The following LONRF1 variants were observed in gnomAD, a reference collection of about 807,000 sequenced individuals.
LONRF1 encodes LON peptidase N-terminal domain and RING finger protein 1.
LONRF1 carries 37 observed loss-of-function variants against 85.8 expected under a neutral mutation model. That is an observed-to-expected ratio of 0.43 (90% CI 0.33 to 0.57). The LOEUF (loss-of-function observed/expected upper bound fraction) is 0.57. Ranked by LOEUF, LONRF1 falls within the 20% of genes least tolerant of loss-of-function variation. LONRF1 has a pLI of 0.04. For synonymous variants in LONRF1, 517 were observed against 390.1 expected (o/e 1.33, Z -3.83); for missense variants, 1,036 against 978.0 (o/e 1.06, Z -0.79).
chr8:12,735,031 A>G (rs1798665900), intron 7 of LONRF1, among the ~76,000 whole-genome samples: 1 of 151,738 alleles, frequency 6.6e-6, no homozygotes, highest in Non-Finnish European at 1.5e-5. Context: ...AACTAACCAT[A>G]CCCACTTTTG....
chr8:12,744,792 A>G (rs1799079007), intron 1 of LONRF1, among the ~76,000 whole-genome samples: 1 of 152,206 alleles, frequency 6.6e-6, no homozygotes, highest in African/African-American at 2.4e-5. Flanking sequence ...GGGTGCTTCC[A>G]ATAGCATCCT....
chr8:12,750,815 A>G (rs1799353602), intron 1 of LONRF1, among the ~76,000 whole-genome samples: 1 of 152,358 alleles, frequency 6.6e-6, no homozygotes, highest in East Asian at 1.9e-4. Context: ...CAAGTGATAG[A>G]ACAGAACAGG....
At position 12,748,962 on chromosome 8, in the gene LONRF1, T is replaced by C. The variant is rs1429545402; in HGVS notation, c.722-5680A>G. ...GGATAGTAAGATCATTAACACTAGA[T>C]TCAGAAATTGGGTTCAGATCCCCTT... On this transcript the variant is annotated intron_variant, in intron 1 of 11. Transcript: ENST00000398246. Among the ~76,000 whole-genome samples the C allele has an allele frequency of 2.0e-5, 3 of 152,160 alleles. No homozygotes were observed. The East Asian group carries it at 5.8e-4, about 29-fold the overall frequency.
chr8:12,737,110 G>A lies in LONRF1; in HGVS notation c.1144C>T (p.Pro382Ser), dbSNP rs376648474. 5.0e-5 allele frequency: 80 copies of A among 1,612,658 alleles called. No individual in the cohort carries two copies. The highest frequency in any genetic ancestry group is 6.0e-5 in the Non-Finnish European group (71 of 1,179,440). The stretch of plus-strand genomic sequence containing the variant: ...GCACGGTTTAAGCTTCCTTTGACAG[G>A]CTCTGAAGTGACCTCTGGTATTTCT... ...SEEIPEVTSE[P>S]VKGSLNRAQS... Residue 382 changes from proline (P) to serine (S), a missense_variant, in exon 5 of 12, where the codon CCT becomes TCT. Around this residue, in one of 3 missense-constraint regions of LONRF1, gnomAD observed 742 missense variants for 614.4 expected, o/e 1.21. Coordinates refer to ENST00000398246, the MANE Select transcript of LONRF1 (RefSeq NM_152271.5).
rs546095013 is a variant in LONRF1 at position 12,747,214 on chromosome 8, T to C, written c.722-3932A>G. Reference sequence around the variant, plus strand: ...ATTTAAATAAGACTCTGCTCCACCATCTGAGGAATCTAGTCTTCGGCTGTC... The same window carrying C: ...ATTTAAATAAGACTCTGCTCCACCACCTGAGGAATCTAGTCTTCGGCTGTC... On this transcript the variant is annotated intron_variant, in intron 1 of 11. Coordinates refer to ENST00000398246, the MANE Select transcript of LONRF1 (RefSeq NM_152271.5). Among the ~76,000 whole-genome samples the C allele has an allele frequency of 4.6e-5, 7 of 152,328 alleles. No individual in the cohort carries two copies. In the East Asian group the frequency reaches 1.3e-3, roughly 29 times the overall value.
Position 12,755,201 on chromosome 8 carries a change from C to G in LONRF1, c.220G>C (p.Ala74Pro). 7.8e-7 allele frequency: 1 copy of G among 1,284,336 alleles called. No homozygotes were observed. The highest frequency in any genetic ancestry group is 9.8e-7 in the Non-Finnish European group (1 of 1,022,362). The allele number at this position is 1,284,336 out of a possible 1,614,324, so 79.6% of individuals were successfully genotyped here. ...LKGALEAFAAALRRGAPARPE... is the reference protein window; with the variant it reads ...LKGALEAFAAPLRRGAPARPE... ...CTGGCCGGGGCCCCGCGGCGCAGCG[C>G]CGCCGCGAACGCCTCCAGCGCGCCC... Residue 74 changes from alanine to proline, a missense_variant, in exon 1 of 12, where the codon GCG becomes CCG. Ala to Pro is a conservative substitution (Grantham distance 27, BLOSUM62 -1). This residue lies in a region of LONRF1 where 742 missense variants were observed against 614.4 expected (regional missense o/e 1.21). Coordinates refer to ENST00000398246, the MANE Select transcript of LONRF1 (RefSeq NM_152271.5).
At chr8:12,744,921 C>G (rs1469324139) in intron 1 of LONRF1, among the ~76,000 whole-genome samples, 1 of 151,992 alleles carries the variant, frequency 6.6e-6, no homozygotes, top group Admixed American at 6.6e-5. Flanking sequence ...GTTCTCACTC[C>G]TTTATATTTG....
At position 12,754,878 on chromosome 8, in the gene LONRF1, A is replaced by G; in HGVS notation, c.543T>C (p.Pro181=). The change falls in exon 1 of 12, where the codon CCT becomes CCC. Residue 181 remains proline (P), a synonymous_variant. Transcript: ENST00000398246. The part of the protein sequence containing the change: ...DAEGTAPRPP[P]LAAAIAASDF... ...CTGAAGCGGCGATGGCGGCGGCCAG[A>G]GGCGGCGGCCGCGGGGCGGTCCCTT... The G allele has an allele frequency of 6.7e-7, 1 of 1,493,604 alleles. No homozygotes were observed. Among genetic ancestry groups the G allele is most frequent in the Middle Eastern group, 2.3e-4 (1 of 4,428 alleles). The allele number at this position is 1,493,604 out of a possible 1,614,324, so 92.5% of individuals were successfully genotyped here.
chr8:12,751,313 T>G (rs919355194), intron 1 of LONRF1, among the ~76,000 whole-genome samples: 1 of 139,514 alleles, frequency 7.2e-6, no homozygotes, highest in Non-Finnish European at 1.5e-5. Context: ...TTTTTTTTTT[T>G]TTTTTTTGAG....
At chr8:12,736,029 G>A (rs1798703042) in intron 6 of LONRF1, among the ~76,000 whole-genome samples, 1 of 152,100 alleles carries the variant, frequency 6.6e-6, no homozygotes, top group Non-Finnish European at 1.5e-5. Flanking sequence ...TAGATTTAGA[G>A]GTACTTTAGG....
At chr8:12,723,286 A>G in intron 11 of LONRF1, 32 bp from the exon 12 acceptor site, 1 of 1,568,562 alleles carries the variant, frequency 6.4e-7, no homozygotes, top group Non-Finnish European at 8.6e-7. Context: ...TAGCATTAAT[A>G]AAACAAGGAT....
At chr8:12,751,294 A>ATGTTTTTTTGTTTTT (rs1799377823) in intron 1 of LONRF1, among the ~76,000 whole-genome samples, 1 of 84,810 alleles carries the variant, frequency 1.2e-5, no homozygotes, top group Non-Finnish European at 2.3e-5. Context: ...TTTTATTTTT[A>ATGTTTTTTTGTTTTT]TGTTTTTTTT....
At chr8:12,743,528 T>C (rs1799023042) in intron 1 of LONRF1, among the ~76,000 whole-genome samples, 1 of 152,190 alleles carries the variant, frequency 6.6e-6, no homozygotes, top group Non-Finnish European at 1.5e-5. Flanking sequence ...CAGAATACTG[T>C]AAATACTTTT....
At position 12,723,052 on chromosome 8, in the gene LONRF1, G is replaced by T; in HGVS notation, c.*44C>A. On this transcript the variant is annotated 3_prime_UTR_variant, in exon 12 of 12. Coordinates refer to ENST00000398246, the MANE Select transcript of LONRF1 (RefSeq NM_152271.5). ...GGCAGCAGACAATCTGGCCATCAATGCAGCCAGATTAGGGTCACTTTAAAG... is the reference window on the plus strand; with the variant it reads ...GGCAGCAGACAATCTGGCCATCAATTCAGCCAGATTAGGGTCACTTTAAAG... 6 of 1,501,336 alleles carry T rather than the reference G, an allele frequency of 4.0e-6. No individual in the cohort carries two copies. The highest frequency in any genetic ancestry group is 5.4e-6 in the Non-Finnish European group (6 of 1,115,160). 93.0% of individuals were successfully genotyped at this position (1,501,336 alleles called of 1,614,324 possible). A position where few individuals can be genotyped will look rare whatever the true frequency, so the allele number is the denominator to read the frequency against.
At chr8:12,749,375 G>A (rs1799289730) in intron 1 of LONRF1, among the ~76,000 whole-genome samples, 1 of 152,078 alleles carries the variant, frequency 6.6e-6, no homozygotes. Context: ...CCAAACAGAA[G>A]CTTCCATCTT....
intron 1 of LONRF1, among the ~76,000 whole-genome samples, chr8:12,749,817 A>T (rs1005825827): frequency 6.6e-6 from 1 of 152,206 alleles, no homozygotes; most frequent in Non-Finnish European, 1.5e-5. Flanking sequence ...GTAGAAGCCA[A>T]TTAAGCAGTA....
chr8:12,742,165 T>C (rs767550499), intron 2 of LONRF1, among the ~76,000 whole-genome samples: 1 of 152,222 alleles, frequency 6.6e-6, no homozygotes, highest in Non-Finnish European at 1.5e-5. Flanking sequence ...TGCCCTCTTA[T>C]TCTGAATACA....
chr8:12,731,996 C>T (rs1270420023), intron 7 of LONRF1, 139 bp from the exon 8 acceptor site: 2 of 811,108 alleles, frequency 2.5e-6, no homozygotes, highest in Non-Finnish European at 3.8e-6. Flanking sequence ...GGGAACATTA[C>T]AATGGATGAT....
At chr8:12,751,305 T>TTTTTTGTTTTTTTTG (rs1563160676) in intron 1 of LONRF1, among the ~76,000 whole-genome samples, 6 of 69,718 alleles carry the variant, frequency 8.6e-5, no homozygotes, top group Admixed American at 3.0e-4. Context: ...TGTTTTTTTT[T>TTTTTTGTTTTTTTTG]TTTTTTTTTT....
Sources: gnomAD v4.1 joint callset for allele counts (sites outside exome capture counted in the v4.1 genomes callset) on GRCh38, gnomAD v4.1.1 for gene constraint, gnomAD v4.1.1 regional missense constraint, MANE v1.5 for transcripts, NCBI Gene and HGNC (gene_info 2026-07-23, HGNC 2026-07-21) for gene names.